The following TSPAN5 variants were observed in gnomAD, a reference collection of about 807,000 sequenced individuals.
TSPAN5 encodes the protein tetraspanin-5.
In TSPAN5, 10 loss-of-function variants were observed where a neutral mutation model predicts 37.1. The ratio of observed to expected loss-of-function variants is 0.27; its 90% CI spans 0.17 to 0.46. The LOEUF is 0.46. TSPAN5 is among the 20% of genes least tolerant of loss of function. The pLI is 1.00. For synonymous variants in TSPAN5, 110 were observed against 118.9 expected, an observed-to-expected ratio of 0.93 and a Z score of 0.48; for missense variants, 195 against 326.6, an observed-to-expected ratio of 0.60 and a Z score of 3.11.
intron 1 of TSPAN5, among the ~76,000 whole-genome samples, chr4:98,604,845 TG>T (rs1430836914): frequency 3.3e-5 from 5 of 152,230 alleles, no homozygotes; most frequent in African/African-American, 1.2e-4. Flanking sequence ...TCATGCCATT[TG>T]TCAGATGTGA....
At chr4:98,626,978 A>G (rs1206392826) in intron 1 of TSPAN5, among the ~76,000 whole-genome samples, 2 of 151,574 alleles carry the variant, frequency 1.3e-5, no homozygotes, top group East Asian at 1.9e-4. Context: ...ACTGGCTAAA[A>G]GGATGAATGA....
chr4:98,584,196 C>A (rs1755436317), intron 1 of TSPAN5, among the ~76,000 whole-genome samples: 1 of 152,194 alleles, frequency 6.6e-6, no homozygotes, highest in African/African-American at 2.4e-5. Flanking sequence ...CTGCCTCTGC[C>A]TCCTGAGTAG....
At chr4:98,512,894 A>G (rs767312505) in intron 1 of TSPAN5, among the ~76,000 whole-genome samples, 26 of 152,218 alleles carry the variant, frequency 1.7e-4, no homozygotes, top group Non-Finnish European at 3.7e-4. Context: ...AGAGAGAGAG[A>G]GAGTCCTCAA....
intron 3 of TSPAN5, chr4:98,482,574 T>C (rs1289151776): frequency 6.2e-6 from 1 of 161,682 alleles, no homozygotes; most frequent in Admixed American, 6.2e-5. Context: ...ATTATTCCAA[T>C]ATTTTAAGAT....
intron 2 of TSPAN5, among the ~76,000 whole-genome samples, chr4:98,498,497 C>T (rs1054228036): frequency 6.6e-6 from 1 of 152,142 alleles, no homozygotes; most frequent in East Asian, 1.9e-4. Flanking sequence ...ACAAGACCTC[C>T]CAACCACACC....
chr4:98,641,942 G>T (rs1468879744), intron 1 of TSPAN5, among the ~76,000 whole-genome samples: 1 of 152,142 alleles, frequency 6.6e-6, no homozygotes, highest in Non-Finnish European at 1.5e-5. Context: ...CTATGAAAAG[G>T]GTAGGCAAAG....
In TSPAN5 at chr4:98,471,570, C is replaced by A. The variant is rs1193936185; in HGVS notation, c.*952G>T. 1 of 152,138 alleles carries A rather than the reference C, an allele frequency of 6.6e-6. No homozygotes were observed. The highest frequency in any genetic ancestry group is 1.5e-5 in the Non-Finnish European group (1 of 68,008). The allele number at this position is 152,138 out of a possible 1,614,324, so 9.4% of individuals were successfully genotyped here. ...CAGGTCATGCAGATTAAGACTTAATCAAAAATTAATGCTTGAGCTGAGTAA... is the reference window on the plus strand; with the variant it reads ...CAGGTCATGCAGATTAAGACTTAATAAAAAATTAATGCTTGAGCTGAGTAA... On this transcript the variant is annotated 3_prime_UTR_variant, in exon 8 of 8. Coordinates refer to ENST00000305798, the MANE Select transcript of TSPAN5 (RefSeq NM_005723.4).
intron 1 of TSPAN5, among the ~76,000 whole-genome samples, chr4:98,570,313 C>A (rs1431100987): frequency 6.6e-6 from 1 of 152,150 alleles, no homozygotes. Context: ...AATAAAGGTA[C>A]ATGCCAGATC....
intron 1 of TSPAN5, among the ~76,000 whole-genome samples, chr4:98,604,801 A>G (rs1418696842): frequency 1.3e-5 from 2 of 152,210 alleles, no homozygotes; most frequent in African/African-American, 2.4e-5. Flanking sequence ...TTATGTGACT[A>G]TTTAATCTCT....
At chr4:98,601,620 T>G (rs1260137445) in intron 1 of TSPAN5, among the ~76,000 whole-genome samples, 2 of 152,268 alleles carry the variant, frequency 1.3e-5, no homozygotes, top group African/African-American at 4.8e-5. Context: ...GTTTAAGGAG[T>G]GTTGTGGCTG....
chr4:98,561,236 A>G (rs1754876633), intron 1 of TSPAN5, among the ~76,000 whole-genome samples: 1 of 152,252 alleles, frequency 6.6e-6, no homozygotes, highest in South Asian at 2.1e-4. Context: ...CATAACGTGG[A>G]AAGGGCCTGG....
intron 1 of TSPAN5, among the ~76,000 whole-genome samples, chr4:98,619,023 G>A (rs1756415428): frequency 6.6e-6 from 1 of 152,026 alleles, no homozygotes; most frequent in Admixed American, 6.6e-5. Context: ...TCTACAGAGA[G>A]TATTAAATAA....
intron 1 of TSPAN5, among the ~76,000 whole-genome samples, chr4:98,583,024 G>C (rs1553915446): frequency 6.6e-6 from 1 of 152,154 alleles, no homozygotes; most frequent in Non-Finnish European, 1.5e-5. Context: ...TTAGAAAATA[G>C]AACGTTGTAT....
At chr4:98,574,159 T>A (rs1755183990) in intron 1 of TSPAN5, among the ~76,000 whole-genome samples, 1 of 152,162 alleles carries the variant, frequency 6.6e-6, no homozygotes, top group Admixed American at 6.5e-5. Context: ...CCTGACTCAT[T>A]AATCCTCAAG....
chr4:98,579,364 G>C (rs1755318279), intron 1 of TSPAN5, among the ~76,000 whole-genome samples: 3 of 152,254 alleles, frequency 2.0e-5, no homozygotes, highest in Non-Finnish European at 4.4e-5. Flanking sequence ...ACCAGAGCAA[G>C]GTACATTTCT....
chr4:98,611,685 C>T (rs1472185292), intron 1 of TSPAN5, among the ~76,000 whole-genome samples: 2 of 152,226 alleles, frequency 1.3e-5, no homozygotes, highest in African/African-American at 4.8e-5. Context: ...TGTGCCTTAC[C>T]AGGTAAGAAC....
chr4:98,505,006 C>A (rs1332060751), intron 2 of TSPAN5, among the ~76,000 whole-genome samples: 2 of 152,088 alleles, frequency 1.3e-5, no homozygotes, highest in Non-Finnish European at 2.9e-5. Context: ...GAAATAATCT[C>A]TCTTGTCTCT....
At chr4:98,624,801 A>G (rs967821177) in intron 1 of TSPAN5, among the ~76,000 whole-genome samples, 2 of 152,220 alleles carry the variant, frequency 1.3e-5, no homozygotes, top group Non-Finnish European at 2.9e-5. Flanking sequence ...AGCAAGTCTG[A>G]GCTTCTCTTT....
rs761052420 is a variant in TSPAN5 at position 98,598,853 on chromosome 4, T to A, written c.81+59293A>T. ...GTTCAAAGGCAGGAATAACAGGAAC[T>A]TCAGAGTTATTGAACATAAAAGACT... On this transcript the variant is annotated intron_variant, in intron 1 of 7. Coordinates refer to ENST00000305798, the MANE Select transcript of TSPAN5 (RefSeq NM_005723.4). 4.9e-4 allele frequency among the ~76,000 whole-genome samples: 74 copies of A among 152,278 alleles called. 1 individual carries two copies. The highest frequency in any genetic ancestry group is 9.4e-4 in the Non-Finnish European group (64 of 68,014).
Sources: gnomAD v4.1 joint callset for allele counts (sites outside exome capture counted in the v4.1 genomes callset) on GRCh38, gnomAD v4.1.1 for gene constraint, MANE v1.5 for transcripts, NCBI Gene and HGNC (gene_info 2026-07-23, HGNC 2026-07-21) for gene names.